KCNMA1: variants seen among roughly 807,000 people sequenced by gnomAD.
KCNMA1 encodes Calcium-activated potassium channel subunit alpha-1.
Under a neutral mutation model 140.0 loss-of-function variants are expected in KCNMA1, and 29 were observed. The ratio of observed to expected loss-of-function variants is 0.21; its 90% CI spans 0.15 to 0.28. The LOEUF is 0.28. Ranked by LOEUF, KCNMA1 falls within the 10% of genes least tolerant of loss-of-function variation. The probability of loss-of-function intolerance (pLI) is 1.00; values close to 1 mark genes in which losing one functional copy is unlikely to be tolerated. For synonymous variants in KCNMA1, 612 were observed against 611.9 expected, an observed-to-expected ratio of 1.00 and a Z score of 0.00; for missense variants, 880 against 1,602.2, an observed-to-expected ratio of 0.55 and a Z score of 7.70.
At chr10:77,213,117 A>T (rs1466468659) in intron 3 of KCNMA1, among the ~76,000 whole-genome samples, 2 of 152,186 alleles carry the variant, frequency 1.3e-5, no homozygotes, top group African/African-American at 4.8e-5. Flanking sequence ...TTACATAATT[A>T]GAATGTGCAA....
chr10:77,132,259 G>C (rs890596969), intron 5 of KCNMA1, among the ~76,000 whole-genome samples: 1 of 152,200 alleles, frequency 6.6e-6, no homozygotes, highest in African/African-American at 2.4e-5. Flanking sequence ...AATGGGCATA[G>C]CCACACAGCA....
chr10:77,509,657 T>A (rs934877239), intron 1 of KCNMA1, among the ~76,000 whole-genome samples: 2 of 152,260 alleles, frequency 1.3e-5, no homozygotes, highest in South Asian at 4.1e-4. Flanking sequence ...CAACACTTGT[T>A]GTTTTCCAAC....
At chr10:76,869,894 G>A (rs1324949231) in exon 28 of KCNMA1, 1 of 152,554 alleles carries the variant, frequency 6.6e-6, no homozygotes, top group Non-Finnish European at 1.5e-5. Context: ...CTGCATGTGT[G>A]TACTTTTTTT....
intron 1 of KCNMA1, among the ~76,000 whole-genome samples, chr10:77,623,536 A>G (rs1222678480): frequency 6.6e-6 from 1 of 151,896 alleles, no homozygotes; most frequent in African/African-American, 2.4e-5. Context: ...TCTCTACTAA[A>G]AATACAAAAA....
intron 1 of KCNMA1, among the ~76,000 whole-genome samples, chr10:77,431,958 A>T (rs1244892390): frequency 4.6e-5 from 7 of 151,430 alleles, no homozygotes; most frequent in Admixed American, 6.6e-5. Flanking sequence ...GTGCCACTGC[A>T]CTCCAGCCTG....
At chr10:77,511,117 A>G (rs754005182) in intron 1 of KCNMA1, among the ~76,000 whole-genome samples, 12 of 152,208 alleles carry the variant, frequency 7.9e-5, no homozygotes, top group Non-Finnish European at 1.2e-4. Flanking sequence ...GAGCATGAGA[A>G]TCACCAGGAA....
chr10:76,931,286 C>T (rs981572438), intron 23 of KCNMA1, among the ~76,000 whole-genome samples: 12 of 151,936 alleles, frequency 7.9e-5, no homozygotes, highest in Non-Finnish European at 1.5e-5. Flanking sequence ...ATATATACAA[C>T]TTTTACTTGT....
chr10:77,112,339 G>T (rs368552997), intron 7 of KCNMA1, 28 bp downstream of exon 7: 1 of 1,551,264 alleles, frequency 6.4e-7, no homozygotes, highest in Non-Finnish European at 8.9e-7. Flanking sequence ...AGGCAAGCGA[G>T]AGCAGAAGGG....
intron 2 of KCNMA1, among the ~76,000 whole-genome samples, chr10:77,400,153 GTGC>G (rs2096214767): frequency 6.6e-6 from 1 of 152,248 alleles, no homozygotes; most frequent in Non-Finnish European, 1.5e-5. Flanking sequence ...TGAACAGGCA[GTGC>G]TGCTTTCTCT....
chr10:77,158,298 T>C (rs536779652), intron 5 of KCNMA1, among the ~76,000 whole-genome samples: 6 of 152,278 alleles, frequency 3.9e-5, no homozygotes, highest in Non-Finnish European at 5.9e-5. Context: ...AATAGACCCT[T>C]TGATCCTCAC....
chr10:77,466,067 A>G (rs2098001734), intron 1 of KCNMA1, among the ~76,000 whole-genome samples: 1 of 152,166 alleles, frequency 6.6e-6, no homozygotes, highest in Non-Finnish European at 1.5e-5. Context: ...GAGCATCAGG[A>G]ACTAAGGCAA....
chr10:77,583,309 A>G (rs2076368096), intron 1 of KCNMA1, among the ~76,000 whole-genome samples: 2 of 152,234 alleles, frequency 1.3e-5, no homozygotes, highest in Admixed American at 1.3e-4. Context: ...TCACTGGCCC[A>G]GTTTCACAGA....
At chr10:77,211,824 G>A (rs1189205654) in intron 3 of KCNMA1, among the ~76,000 whole-genome samples, 1 of 152,146 alleles carries the variant, frequency 6.6e-6, no homozygotes, top group Non-Finnish European at 1.5e-5. Context: ...AGACATACAA[G>A]TGGCTAACAA....
intron 5 of KCNMA1, among the ~76,000 whole-genome samples, chr10:77,158,907 C>T (rs901930653): frequency 6.6e-6 from 1 of 152,178 alleles, no homozygotes; most frequent in Non-Finnish European, 1.5e-5. Flanking sequence ...CATACTCTCA[C>T]CCCATGCTGC....
intron 2 of KCNMA1, among the ~76,000 whole-genome samples, chr10:77,380,007 T>C (rs912272334): frequency 6.6e-6 from 1 of 152,122 alleles, no homozygotes; most frequent in Non-Finnish European, 1.5e-5. Flanking sequence ...TGTAGAAAAA[T>C]CACCTGGTAT....
intron 1 of KCNMA1, among the ~76,000 whole-genome samples, chr10:77,471,674 A>C (rs1009238256): frequency 6.6e-6 from 1 of 151,378 alleles, no homozygotes; most frequent in East Asian, 1.9e-4. Context: ...ACACACACAC[A>C]CCACACACAC....
chr10:77,444,888 GA>G (rs1483026462), intron 1 of KCNMA1, among the ~76,000 whole-genome samples: 4 of 152,080 alleles, frequency 2.6e-5, no homozygotes, highest in Non-Finnish European at 5.9e-5. Flanking sequence ...GTGATAGAGG[GA>G]ATTCTCCACT....
chr10:77,472,314 G>C lies in KCNMA1; in HGVS notation c.379-68291C>G, dbSNP rs374236125. Among the ~76,000 whole-genome samples, 3 of 144,582 alleles carry C rather than the reference G, an allele frequency of 2.1e-5. No individual in the cohort carries two copies. The East Asian group carries it at 6.2e-4, about 30-fold the overall frequency. 94.9% of individuals were successfully genotyped at this position (144,582 alleles called of 152,430 possible). On this transcript the variant is annotated intron_variant, in intron 1 of 27. Coordinates refer to ENST00000286628, the MANE Select transcript of KCNMA1 (RefSeq NM_001161352.2). Reference sequence around the variant, plus strand: ...CACACACACATCACACACACACAGAGAGCGTACATACTAAACACACATCAC... The same window carrying C: ...CACACACACATCACACACACACAGACAGCGTACATACTAAACACACATCAC...
chr10:77,284,244 G>A (rs1229647645), intron 2 of KCNMA1, among the ~76,000 whole-genome samples: 4 of 152,076 alleles, frequency 2.6e-5, no homozygotes, highest in Non-Finnish European at 5.9e-5. Flanking sequence ...ACTCTGTACT[G>A]GAAATAGAGC....
Sources: allele counts gnomAD v4.1 joint callset (sites outside exome capture counted in the v4.1 genomes callset), GRCh38; gene constraint gnomAD v4.1.1; transcripts MANE v1.5; gene names NCBI Gene and HGNC (gene_info 2026-07-23, HGNC 2026-07-21).